The following ASB13 variants were observed in gnomAD, a reference collection of about 807,000 sequenced individuals.
The protein encoded by ASB13 is ankyrin repeat and SOCS box containing 13.
A neutral mutation model predicts 28.8 loss-of-function variants in ASB13; 33 were observed. The ratio of observed to expected loss-of-function variants is 1.15; its 90% CI spans 0.87 to 1.53. The LOEUF (loss-of-function observed/expected upper bound fraction) is 1.53, where lower values mean the gene tolerates loss of function less well. Ranked by LOEUF, ASB13 falls within the 40% of genes most tolerant of loss-of-function variation. The probability of loss-of-function intolerance (pLI) is 0.00; values close to 1 mark genes in which losing one functional copy is unlikely to be tolerated. For missense variants in ASB13, 414 were observed against 390.1 expected (o/e 1.06, Z -0.52); for synonymous variants, 182 against 172.9 (o/e 1.05, Z -0.41).
intron 1 of ASB13, among the ~76,000 whole-genome samples, chr10:5,665,071 G>A (rs899910919): frequency 1.3e-5 from 2 of 152,162 alleles, no homozygotes; most frequent in African/African-American, 4.8e-5. Context: ...TGGCCAGGCT[G>A]GTCTCGAACT....
chr10:5,662,319 G>T (rs1835180348), intron 1 of ASB13, among the ~76,000 whole-genome samples: 1 of 151,892 alleles, frequency 6.6e-6, no homozygotes, highest in South Asian at 2.1e-4. Flanking sequence ...AAGAGTTCGA[G>T]ATCAGCCTGG....
chr10:5,651,515 A>T lies in ASB13; in HGVS notation c.232-152T>A. On this transcript the variant is annotated intron_variant, in intron 2 of 5. Coordinates refer to ENST00000357700, the MANE Select transcript of ASB13 (RefSeq NM_024701.4). The surrounding 1 kb of genome is among the most constrained non-coding windows in gnomAD (Gnocchi z 5.1). ...GCTAGGCAACGACACTGAAAGAGAT[A>T]GCACGTGGCTGCGGAGCACCGACGG... The T allele has an allele frequency of 1.2e-6, 1 of 833,372 alleles. No homozygotes were observed. Among genetic ancestry groups the T allele is most frequent in the Non-Finnish European group, 1.8e-6 (1 of 552,858 alleles). 51.6% of individuals were successfully genotyped at this position (833,372 alleles called of 1,614,324 possible).
chr10:5,653,489 G>A (rs755012397), intron 1 of ASB13, among the ~76,000 whole-genome samples: 13 of 152,232 alleles, frequency 8.5e-5, no homozygotes, highest in Middle Eastern at 3.4e-3. Context: ...CAATGCTCAC[G>A]CACACACGCT....
In ASB13 at chr10:5,651,082, CAG is replaced by C. The variant is rs1834976282; in HGVS notation, c.382+129_382+130del. 3 of 1,222,320 alleles carry C rather than the reference CAG, an allele frequency of 2.5e-6. No individual in the cohort carries two copies. The highest frequency in any genetic ancestry group is 3.4e-6 in the Non-Finnish European group (3 of 889,708). 75.7% of individuals were successfully genotyped at this position (1,222,320 alleles called of 1,614,324 possible). A position where few individuals can be genotyped will look rare whatever the true frequency, so the allele number is the denominator to read the frequency against. On this transcript the variant is annotated intron_variant, in intron 3 of 5. Coordinates refer to ENST00000357700, the MANE Select transcript of ASB13 (RefSeq NM_024701.4). This position sits in a 1 kb window ranked among gnomAD's most constrained non-coding sequence, Gnocchi z 5.1. ...AGCCACCAGGAGCCAGAAACAGACT[CAG>C]AACTCTCCTTCACCAGCCAAGGGCT...
intron 5 of ASB13, 92 bp from the exon 6 acceptor site, chr10:5,640,922 G>A (rs1834801095): frequency 5.3e-6 from 8 of 1,501,886 alleles, no homozygotes; most frequent in Admixed American, 1.8e-5. Context: ...AATCGGAAAC[G>A]CCTCCCTTTC....
At position 5,640,524 on chromosome 10, in the gene ASB13, C is replaced by A. The variant is rs147415536; in HGVS notation, c.*179G>T. 13 of 792,132 alleles carry A rather than the reference C, an allele frequency of 1.6e-5. No individual in the cohort carries two copies. In the East Asian group the frequency reaches 3.7e-4, roughly 22 times the overall value. The allele number at this position is 792,132 out of a possible 1,614,324, so 49.1% of individuals were successfully genotyped here. On this transcript the variant is annotated 3_prime_UTR_variant, in exon 6 of 6. Transcript: ENST00000357700. ...TGACCTGAGACGCAGGCCTTCCCAA[C>A]ACCCTGGAAACATTATCCAGGATCC...
Position 5,649,131 on chromosome 10 carries a change from A to T in ASB13, c.383-27T>A. ...TTAAGATAAATGGAAAAGGGGGGGA[A>T]TGTCCTTGAATACGGACACTGGAGA... On this transcript the variant is annotated intron_variant, in intron 3 of 5. Transcript: ENST00000357700. This position sits in a 1 kb window ranked among gnomAD's most constrained non-coding sequence, Gnocchi z 6.4. The T allele has an allele frequency of 6.2e-7, 1 of 1,613,482 alleles. No homozygotes were observed. The highest frequency in any genetic ancestry group is 1.1e-5 in the South Asian group (1 of 91,086).
intron 1 of ASB13, among the ~76,000 whole-genome samples, chr10:5,653,524 C>T (rs991674901): frequency 6.6e-6 from 1 of 152,224 alleles, no homozygotes; most frequent in Non-Finnish European, 1.5e-5. Flanking sequence ...TACAGTGTCT[C>T]CTGCACTCGA....
Position 5,652,347 on chromosome 10 carries a change from C to G in ASB13, c.231+516G>C. On this transcript the variant is annotated intron_variant, in intron 2 of 5. Coordinates refer to ENST00000357700, the MANE Select transcript of ASB13 (RefSeq NM_024701.4). The surrounding 1 kb of genome is among the most constrained non-coding windows in gnomAD (Gnocchi z 5.0). ...CAGGGGTGTGCAGGGCCAGTGTTTG[C>G]CAGCTCGGGAGAGCTGGCTGCCAAT... Among the ~76,000 whole-genome samples the G allele has an allele frequency of 6.6e-6, 1 of 152,206 alleles. No homozygotes were observed. The highest frequency in any genetic ancestry group is 2.1e-4 in the South Asian group (1 of 4,826).
chr10:5,648,012 CAAACACCCACTCAGGT>C (rs1250228483), intron 4 of ASB13, among the ~76,000 whole-genome samples: 60 of 121,366 alleles, frequency 4.9e-4, no homozygotes, highest in Middle Eastern at 4.8e-3. Flanking sequence ...CCCACTCAGG[CAAACACCCACTCAGGT>C]AAACACCTAC....
Position 5,641,430 on chromosome 10 carries a change from C to T in ASB13, c.709+340G>A, listed in dbSNP as rs761594659. On this transcript the variant is annotated intron_variant, in intron 5 of 5. Transcript: ENST00000357700. This position sits in a 1 kb window ranked among gnomAD's most constrained non-coding sequence, Gnocchi z 8.4. ...ACCATGGTTTTGGTTTTTTGAGACA[C>T]GGCATTATATTTCAGCACCCAAACT... Among the ~76,000 whole-genome samples the T allele has an allele frequency of 6.6e-5, 10 of 152,148 alleles. No homozygotes were observed. Among genetic ancestry groups the T allele is most frequent in the African/African-American group, 2.4e-4 (10 of 41,422 alleles).
In ASB13 at chr10:5,655,560, G is replaced by A. The variant is rs906659034; in HGVS notation, c.44-2510C>T. ...GGTGACCCTATGTCAGTGGAAGTGG[G>A]GACTAGGGAGAACTGAACCACAAAG... is the stretch of plus-strand genomic sequence containing the variant. On this transcript the variant is annotated intron_variant, in intron 1 of 5. Coordinates refer to ENST00000357700, the MANE Select transcript of ASB13 (RefSeq NM_024701.4). The surrounding 1 kb of genome is among the most constrained non-coding windows in gnomAD (Gnocchi z 6.2). 2.0e-5 allele frequency among the ~76,000 whole-genome samples: 3 copies of A among 152,160 alleles called. No homozygotes were observed. The highest frequency in any genetic ancestry group is 4.4e-5 in the Non-Finnish European group (3 of 68,040).
intron 1 of ASB13, among the ~76,000 whole-genome samples, chr10:5,665,403 G>A (rs561488241): frequency 1.5e-4 from 23 of 152,126 alleles, no homozygotes; most frequent in Admixed American, 2.6e-4. Context: ...CAAAAGTTGC[G>A]GATTCATTAG....
chr10:5,648,114 C>T (rs541764810), intron 4 of ASB13, among the ~76,000 whole-genome samples: 1 of 150,904 alleles, frequency 6.6e-6, no homozygotes, highest in African/African-American at 2.4e-5. Context: ...CAGGTAAACA[C>T]CCACACAGGT....
In ASB13 at chr10:5,645,463, C is replaced by A. The variant is rs1834870803; in HGVS notation, c.518-3502G>T. ...TCACCATCATAACCGGACTTTCACC[C>A]TCCCCAGCCCTCCTCCTTTGCAAAT... On this transcript the variant is annotated intron_variant, in intron 4 of 5. Transcript: ENST00000357700. This position sits in a 1 kb window ranked among gnomAD's most constrained non-coding sequence, Gnocchi z 5.4. Among the ~76,000 whole-genome samples the A allele has an allele frequency of 6.6e-6, 1 of 152,142 alleles. No homozygotes were observed. The highest frequency in any genetic ancestry group is 1.5e-5 in the Non-Finnish European group (1 of 68,024).
chr10:5,653,658 A>G (rs1429247753), intron 1 of ASB13, among the ~76,000 whole-genome samples: 1 of 4,094 alleles, frequency 2.4e-4, no homozygotes, highest in East Asian at 8.5e-3. Flanking sequence ...TGTGGATGCC[A>G]TTTATTTATT....
intron 1 of ASB13, among the ~76,000 whole-genome samples, 193 bp downstream of exon 1, chr10:5,666,316 A>T (rs939687223): frequency 6.6e-6 from 1 of 152,078 alleles, no homozygotes; most frequent in African/African-American, 2.4e-5. Flanking sequence ...GGCACCAGAC[A>T]TGAGAGCCCG....
At position 5,658,381 on chromosome 10, in the gene ASB13, A is replaced by C. The variant is rs1835103736; in HGVS notation, c.44-5331T>G. The stretch of plus-strand genomic sequence containing the variant: ...AGGAGGTGGAGGTTGCAGTGAGCCA[A>C]AATCGTGCCATTGCACTACGGCCTG... On this transcript the variant is annotated intron_variant, in intron 1 of 5. Transcript: ENST00000357700. This position sits in a 1 kb window ranked among gnomAD's most constrained non-coding sequence, Gnocchi z 4.2. Among the ~76,000 whole-genome samples the C allele has an allele frequency of 6.6e-6, 1 of 152,148 alleles. No homozygotes were observed. The highest frequency in any genetic ancestry group is 2.1e-4 in the South Asian group (1 of 4,830).
In ASB13 at chr10:5,640,750, T is replaced by A; in HGVS notation, c.790A>T (p.Lys264Ter). 1 of 1,614,104 alleles carries A rather than the reference T, an allele frequency of 6.2e-7. No individual in the cohort carries two copies. The highest frequency in any genetic ancestry group is 8.5e-7 in the Non-Finnish European group (1 of 1,180,016). ...ATGAGCCGGGGCGGGATGTTTAACT[T>A]GGCAATCTTCTCCAGCCCTCGGACG... ...TGVRGLEKIAKLNIPPRLIDY... is the reference protein window; with the variant it reads ...TGVRGLEKIA Residue 264 changes from lysine to a stop codon, truncating the protein, a stop_gained, in exon 6 of 6, where the codon AAG (lysine) becomes TAG (stop). Coordinates refer to ENST00000357700, the MANE Select transcript of ASB13 (RefSeq NM_024701.4). LOFTEE classifies it high-confidence loss of function.
Sources: gnomAD v4.1 joint callset for allele counts (sites outside exome capture counted in the v4.1 genomes callset) on GRCh38, gnomAD v4.1.1 for gene constraint, Gnocchi (gnomAD v3.1) non-coding constraint, MANE v1.5 for transcripts, NCBI Gene and HGNC (gene_info 2026-07-23, HGNC 2026-07-21) for gene names.